The following CPXM1 variants were observed in gnomAD, a reference collection of about 807,000 sequenced individuals.
The protein encoded by CPXM1 is carboxypeptidase X, M14 family member 1.
Under a neutral mutation model 80.4 loss-of-function variants are expected in CPXM1, and 72 were observed. That is an observed-to-expected ratio of 0.90 (90% CI 0.74 to 1.09). The LOEUF is 1.09. CPXM1 is among the 50% of genes least tolerant of loss of function. The pLI is 0.00. For synonymous variants in CPXM1, 403 were observed against 405.6 expected (o/e 0.99, Z 0.08); for missense variants, 892 against 999.4 (o/e 0.89, Z 1.45).
Position 2,796,373 on chromosome 20 carries a change from GAGCAGA to G in CPXM1, c.1110_1115del (p.Leu372_Leu373del). 6.2e-7 allele frequency: 1 copy of G among 1,614,092 alleles called. No individual in the cohort carries two copies. The highest frequency in any genetic ancestry group is 8.5e-7 in the Non-Finnish European group (1 of 1,180,006). On this transcript the variant is annotated inframe_deletion, in exon 9 of 14. Transcript: ENST00000380605. This position sits in a 1 kb window ranked among gnomAD's most constrained non-coding sequence, Gnocchi z 6.8. ...ACTCATGGCACAGGAACTGCATCAGGAGCAGAAGCAACTCCCGCCCCAGGGCCTCGT... is the reference window on the plus strand; with the variant it reads ...ACTCATGGCACAGGAACTGCATCAGGAGCAACTCCCGCCCCAGGGCCTCGT...
intron 1 of CPXM1, 32 bp downstream of exon 1, chr20:2,800,369 C>A: frequency 1.4e-6 from 2 of 1,479,336 alleles, no homozygotes; most frequent in Admixed American, 2.5e-5. Context: ...AGTCGGCTTG[C>A]GGGGGAGCGG....
At chr20:2,798,092 C>T (rs2088528573) in intron 4 of CPXM1, 34 bp from the exon 5 acceptor site, 3 of 1,613,698 alleles carry the variant, frequency 1.9e-6, no homozygotes, top group Non-Finnish European at 2.5e-6. Context: ...TCATCGGTGC[C>T]CCCAGGACTC....
In CPXM1 at chr20:2,794,186, G is replaced by A. The variant is rs760542017; in HGVS notation, c.*4C>T. 2.6e-5 allele frequency: 42 copies of A among 1,606,978 alleles called. No individual in the cohort carries two copies. In the South Asian group the frequency reaches 3.5e-4, roughly 14 times the overall value. ...CCTGCCCTAGGGCTCTTAAACCGCA[G>A]GTATCAATCCTTCTGTCCCCTTAGC... On this transcript the variant is annotated 3_prime_UTR_variant, in exon 14 of 14. Coordinates refer to ENST00000380605, the MANE Select transcript of CPXM1 (RefSeq NM_019609.5). The surrounding 1 kb of genome is among the most constrained non-coding windows in gnomAD (Gnocchi z 5.2).
chr20:2,798,309 G>A lies in CPXM1; in HGVS notation c.451-18C>T, dbSNP rs745974618. 3 of 1,613,334 alleles carry A rather than the reference G, an allele frequency of 1.9e-6. No individual in the cohort carries two copies. The South Asian group carries it at 3.3e-5, about 18-fold the overall frequency. ...AGGCCTGACTGCAGACACAGGACAT[G>A]GTGGTCAGGCCCAGTTGGACAGAGT... On this transcript the variant is annotated intron_variant, in intron 3 of 13. Transcript: ENST00000380605.
Position 2,794,406 on chromosome 20 carries a change from C to G in CPXM1, c.1989G>C (p.Leu663=), listed in dbSNP as rs777337257. ...TTAWGGDYWR[L]LTPGDYMVTA... is the part of the protein sequence containing the mutation. The stretch of plus-strand genomic sequence containing the variant: ...TCACCATGTAGTCCCCTGGGGTCAG[C>G]AGACGCCAATAATCCCCGCCCCACG... Residue 663 remains leucine, a synonymous_variant, in exon 14 of 14, where the codon CTG becomes CTC. Transcript: ENST00000380605. This position sits in a 1 kb window ranked among gnomAD's most constrained non-coding sequence, Gnocchi z 5.2. 5.0e-6 allele frequency: 8 copies of G among 1,614,156 alleles called. No individual in the cohort carries two copies. The highest frequency in any genetic ancestry group is 5.9e-6 in the Non-Finnish European group (7 of 1,180,018).
chr20:2,800,253 G>A lies in CPXM1; in HGVS notation c.172+148C>T, dbSNP rs1200964358. On this transcript the variant is annotated intron_variant, in intron 1 of 13. Coordinates refer to ENST00000380605, the MANE Select transcript of CPXM1 (RefSeq NM_019609.5). ...AGTGCGCGCGCGTGTGTGCGCGTGAGTGCGAGTGTGCGTGCGGGGTGAGTG... is the reference window on the plus strand; with the variant it reads ...AGTGCGCGCGCGTGTGTGCGCGTGAATGCGAGTGTGCGTGCGGGGTGAGTG... 3 of 708,814 alleles carry A rather than the reference G, an allele frequency of 4.2e-6. No homozygotes were observed. In the African/African-American group the frequency reaches 5.7e-5, roughly 13 times the overall value. 43.9% of individuals were successfully genotyped at this position (708,814 alleles called of 1,614,324 possible). A position where few individuals can be genotyped will look rare whatever the true frequency, so the allele number is the denominator to read the frequency against.
At position 2,796,302 on chromosome 20, in the gene CPXM1, C is replaced by T. The variant is rs375789930; in HGVS notation, c.1187G>A (p.Arg396His). ...PRVTRLLSEM[R>H]IHLLPSMNPD... ...GTTCATGGAGGGCAGCAGGTGAATG[C>T]GCATCTCAGAGAGCAGCCGGGTCAC... The change falls in exon 9 of 14, where the codon CGC (arginine) becomes CAC (histidine). Residue 396 changes from arginine to histidine, a missense_variant. Arg to His is a conservative substitution (Grantham distance 29). Around this residue, in one of 2 missense-constraint regions of CPXM1, gnomAD observed 874 missense variants for 958.4 expected, o/e 0.91. Transcript: ENST00000380605. This position sits in a 1 kb window ranked among gnomAD's most constrained non-coding sequence, Gnocchi z 6.8. 81 of 1,613,760 alleles carry T rather than the reference C, an allele frequency of 5.0e-5. No homozygotes were observed. The Admixed American group carries it at 8.7e-4, about 17-fold the overall frequency.
rs768252824 is a variant in CPXM1, at chr20:2,796,538, T to C, written c.1034A>G (p.Glu345Gly). The change falls in exon 8 of 14, where the codon GAG (glutamate) becomes GGG (glycine). Residue 345 changes from glutamate to glycine, a missense_variant. Coordinates refer to ENST00000380605, the MANE Select transcript of CPXM1 (RefSeq NM_019609.5). The surrounding 1 kb of genome is among the most constrained non-coding windows in gnomAD (Gnocchi z 6.8). ...CCCCATGCCAGTACCCAGCTCATGCTCCCCAGGCTTGTCCGACATTTCCAT... is the reference window on the plus strand; with the variant it reads ...CCCCATGCCAGTACCCAGCTCATGCCCCCCAGGCTTGTCCGACATTTCCAT... ...YVMEMSDKPG[E>G]HELGEPEVRY... 1.9e-6 allele frequency: 3 copies of C among 1,614,098 alleles called. No individual in the cohort carries two copies. The highest frequency in any genetic ancestry group is 1.7e-5 in the Admixed American group (1 of 60,008).
Position 2,798,234 on chromosome 20 carries a change from C to CG in CPXM1, c.507dup (p.Ala170ArgfsTer30), listed in dbSNP as rs759472470. 2 of 1,613,970 alleles carry CG rather than the reference C, an allele frequency of 1.2e-6. No homozygotes were observed. The highest frequency in any genetic ancestry group is 4.5e-5 in the East Asian group (2 of 44,880). ...GCGTCCACCTGAAACCATGGATCGGCGTCCTGCTCCTCAGCACACCAGGCT... is the reference window on the plus strand; with the variant it reads ...GCGTCCACCTGAAACCATGGATCGGCGGTCCTGCTCCTCAGCACACCAGGCT... On this transcript the variant is annotated frameshift_variant, in exon 4 of 14. Transcript: ENST00000380605. LOFTEE classifies it high-confidence loss of function.
At chr20:2,800,248 CGT>C (rs1005117655) in intron 1 of CPXM1, among the ~76,000 whole-genome samples, 151 bp downstream of exon 1, 2 of 151,712 alleles carry the variant, frequency 1.3e-5, no homozygotes, top group African/African-American at 2.4e-5. Flanking sequence ...CGTGTGTGCG[CGT>C]GAGTGCGAGT....
In CPXM1 at chr20:2,797,060, C is replaced by T. The variant is rs202161071; in HGVS notation, c.867G>A (p.Ser289=). ...GAAAGTCTAGAGGGTCAGAGGATCC[C>T]GACGCAGGGGCCTCAAGGAATAGGT... is the stretch of plus-strand genomic sequence containing the variant. The part of the protein sequence containing the change: ...PNDLFLEAPA[S]GSSDPLDFQH... The change falls in exon 7 of 14, where the codon TCG becomes TCA. Residue 289 remains serine (S), a synonymous_variant. Transcript: ENST00000380605. 1.7e-5 allele frequency: 27 copies of T among 1,613,864 alleles called. No homozygotes were observed. Among genetic ancestry groups the T allele is most frequent in the East Asian group, 8.9e-5 (4 of 44,896 alleles).
intron 1 of CPXM1, among the ~76,000 whole-genome samples, chr20:2,800,150 T>C (rs577751207): frequency 6.9e-6 from 1 of 145,084 alleles, no homozygotes; most frequent in African/African-American, 2.5e-5. Flanking sequence ...CGCACGCGCG[T>C]GTGAGTGTGC....
Position 2,797,033 on chromosome 20 carries a change from C to G in CPXM1, c.894G>C (p.Gln298His). 1 of 1,614,036 alleles carries G rather than the reference C, an allele frequency of 6.2e-7. No individual in the cohort carries two copies. The highest frequency in any genetic ancestry group is 8.5e-7 in the Non-Finnish European group (1 of 1,179,956). ...ASGSSDPLDF[Q>H]HHNYKAMRKL... ...TCCTCATGGCCTTGTAATTGTGATG[C>G]TGAAAGTCTAGAGGGTCAGAGGATC... Residue 298 changes from glutamine (Q) to histidine (H), a missense_variant, in exon 7 of 14, where the codon CAG becomes CAC. By Grantham distance (24) the Gln-to-His change is conservative. This residue lies in a region of CPXM1 where 874 missense variants were observed against 958.4 expected (regional missense o/e 0.91). Coordinates refer to ENST00000380605, the MANE Select transcript of CPXM1 (RefSeq NM_019609.5).
At chr20:2,800,232 C>T (rs1165957775) in intron 1 of CPXM1, among the ~76,000 whole-genome samples, 169 bp downstream of exon 1, 2 of 151,046 alleles carry the variant, frequency 1.3e-5, no homozygotes, top group African/African-American at 4.9e-5. Flanking sequence ...TGTGTGAGTG[C>T]GCGCGCGTGT....
intron 1 of CPXM1, 53 bp downstream of exon 1, chr20:2,800,348 G>T: frequency 6.9e-7 from 1 of 1,448,348 alleles, no homozygotes. Flanking sequence ...CACGGGGCAG[G>T]AGAGCCGGGC....
Position 2,797,207 on chromosome 20 carries a change from C to T in CPXM1, c.817G>A (p.Ala273Thr), listed in dbSNP as rs768153367. ...GACTGCCCACCTGAGACTGGGCAGG[C>T]CAGGATCTCTGCCCGGAGGCAAGGC... ...GAPCLRAEIL[A>T]CPVSDPNDLF... is the part of the protein sequence containing the mutation. Residue 273 changes from alanine to threonine, a missense_variant, in exon 6 of 14, where the codon GCC becomes ACC. Coordinates refer to ENST00000380605, the MANE Select transcript of CPXM1 (RefSeq NM_019609.5). The T allele has an allele frequency of 1.9e-6, 3 of 1,587,752 alleles. No individual in the cohort carries two copies. The highest frequency in any genetic ancestry group is 2.2e-5 in the South Asian group (2 of 88,938).
chr20:2,797,022 T>G lies in CPXM1; in HGVS notation c.905A>C (p.Tyr302Ser), dbSNP rs745870341. ...ATATCTGACCTTCCTCATGGCCTTG[T>G]AATTGTGATGCTGAAAGTCTAGAGG... Reference protein sequence around the residue: ...SDPLDFQHHNYKAMRKLMKQV... With the variant: ...SDPLDFQHHNSKAMRKLMKQV... Residue 302 changes from tyrosine (Y) to serine (S), a missense_variant, in exon 7 of 14, where the codon TAC (tyrosine) becomes TCC (serine). By Grantham distance (144) the Tyr-to-Ser change is moderately radical (BLOSUM62 -2). Transcript: ENST00000380605. The G allele has an allele frequency of 6.2e-7, 1 of 1,613,966 alleles. No homozygotes were observed. Among genetic ancestry groups the G allele is most frequent in the Non-Finnish European group, 8.5e-7 (1 of 1,179,906 alleles).
chr20:2,796,793 G>A lies in CPXM1; in HGVS notation c.922-143C>T. On this transcript the variant is annotated intron_variant, in intron 7 of 13. Transcript: ENST00000380605. The surrounding 1 kb of genome is among the most constrained non-coding windows in gnomAD (Gnocchi z 6.8). ...ATCATGGTACAGGAGGGGAGCGGCA[G>A]CAGAGCCGGGAGGAAGGGGTAGGAC... The A allele has an allele frequency of 7.9e-7, 1 of 1,268,498 alleles. No homozygotes were observed. Among genetic ancestry groups the A allele is most frequent in the Non-Finnish European group, 1.1e-6 (1 of 918,472 alleles). 78.6% of individuals were successfully genotyped at this position (1,268,498 alleles called of 1,614,324 possible).
chr20:2,795,441 C>T lies in CPXM1; in HGVS notation c.1721-25G>A, dbSNP rs2088494822. 5 of 1,610,056 alleles carry T rather than the reference C, an allele frequency of 3.1e-6. No homozygotes were observed. In the African/African-American group the frequency reaches 4.0e-5, roughly 13 times the overall value. On this transcript the variant is annotated intron_variant, in intron 11 of 13. Transcript: ENST00000380605. This position sits in a 1 kb window ranked among gnomAD's most constrained non-coding sequence, Gnocchi z 5.4. The stretch of plus-strand genomic sequence containing the variant: ...CCTAAGGGGACCACAGACACTGCTG[C>T]CTAAGCAGGCGGGATGCGGTCCCAT...
Sources: gnomAD v4.1 joint callset for allele counts (sites outside exome capture counted in the v4.1 genomes callset) on GRCh38, gnomAD v4.1.1 for gene constraint, gnomAD v4.1.1 regional missense constraint, Gnocchi (gnomAD v3.1) non-coding constraint, MANE v1.5 for transcripts, NCBI Gene and HGNC (gene_info 2026-07-23, HGNC 2026-07-21) for gene names.